Variants in SCUBE2 observed in about 807,000 individuals in gnomAD.
The protein encoded by SCUBE2 is signal peptide, CUB domain and EGF like domain containing 2.
Under a neutral mutation model 125.9 loss-of-function variants are expected in SCUBE2, and 114 were observed. That is an observed-to-expected ratio of 0.91 (90% CI 0.78 to 1.06). The LOEUF is 1.06. SCUBE2 is among the 50% of genes least tolerant of loss of function. The pLI is 0.00. For synonymous variants in SCUBE2, 459 were observed against 492.9 expected (o/e 0.93, Z 0.91); for missense variants, 1,255 against 1,301.8 (o/e 0.96, Z 0.55).
Position 9,025,689 on chromosome 11 carries a change from A to C in SCUBE2, c.2854+13T>G. On this transcript the variant is annotated intron_variant, in intron 21 of 22. Transcript: ENST00000649792. ...CAGAGACGCTCTTTCCATGTGCTGCAGGCTGTGCTTACCATCATATGTCAC... is the reference window on the plus strand; with the variant it reads ...CAGAGACGCTCTTTCCATGTGCTGCCGGCTGTGCTTACCATCATATGTCAC... 6.2e-7 allele frequency: 1 copy of C among 1,613,822 alleles called. No individual in the cohort carries two copies. Among genetic ancestry groups the C allele is most frequent in the East Asian group, 2.2e-5 (1 of 44,874 alleles).
Position 9,053,082 on chromosome 11 carries a change from AACTGGGCCC to A in SCUBE2, c.1447+8_1447+16del, listed in dbSNP as rs764402188. On this transcript the variant is annotated splice_region_variant and intron_variant, in intron 12 of 22. Coordinates refer to ENST00000649792, the MANE Select transcript of SCUBE2 (RefSeq NM_001367977.2). ...CCCCAGTGTGAGGACCTGCCCCGGG[AACTGGGCCC>A]CACTCACCTGAAGAGAGGTGAATGC... The A allele has an allele frequency of 1.3e-5, 21 of 1,605,594 alleles. No homozygotes were observed. The South Asian group carries it at 2.3e-4, about 18-fold the overall frequency.
rs774944109 is a variant in SCUBE2 at position 9,052,808 on chromosome 11, G to C, written c.1472C>G (p.Thr491Ser). ...SSGLQGAYSVTCGSSSPLRNK... is the reference protein window; with the variant it reads ...SSGLQGAYSVSCGSSSPLRNK... ...CCTGAGAGGAGAGGAAGAGCCACAG[G>C]TGACAGAGTAGGCCCCTTGCAGTCC... Residue 491 changes from threonine to serine, a missense_variant, in exon 13 of 23, where the codon ACC becomes AGC. Physicochemically the swap from Thr to Ser is moderately conservative, Grantham distance 58. Transcript: ENST00000649792. 6.5e-6 allele frequency: 10 copies of C among 1,537,070 alleles called. No homozygotes were observed. The highest frequency in any genetic ancestry group is 4.9e-5 in the East Asian group (2 of 40,934).
chr11:9,047,815 G>C (rs1173843672), intron 15 of SCUBE2, 128 bp downstream of exon 15: 2 of 1,196,856 alleles, frequency 1.7e-6, no homozygotes, highest in African/African-American at 3.1e-5. Flanking sequence ...TAGTTTCGGG[G>C]TGAAAAAAAA....
In SCUBE2 at chr11:9,074,474, G is replaced by T; in HGVS notation, c.517+7C>A. ...CTCTGCCCCCATCCACAGCTGGGCA[G>T]AGGTACCTTCCGAGCGGTGAATGCA... On this transcript the variant is annotated splice_region_variant and intron_variant, in intron 4 of 22. Transcript: ENST00000649792. The T allele has an allele frequency of 6.2e-7, 1 of 1,614,114 alleles. No homozygotes were observed. Among genetic ancestry groups the T allele is most frequent in the East Asian group, 2.2e-5 (1 of 44,884 alleles).
At chr11:9,058,052 T>C (rs1382633875) in intron 9 of SCUBE2, among the ~76,000 whole-genome samples, 1 of 152,114 alleles carries the variant, frequency 6.6e-6, no homozygotes, top group East Asian at 1.9e-4. Flanking sequence ...ATGGGAAGGA[T>C]GTGTTTGAGA....
At chr11:9,090,496 T>TTA in intron 1 of SCUBE2, 1 of 151,582 alleles carries the variant, frequency 6.6e-6, no homozygotes, top group East Asian at 1.9e-4. Context: ...TTTATTTTTT[T>TTA]TTTTTGCTCA....
At chr11:9,033,886 A>C in intron 16 of SCUBE2, 90 bp from the exon 17 acceptor site, 1 of 1,296,936 alleles carries the variant, frequency 7.7e-7, no homozygotes, top group Non-Finnish European at 1.1e-6. Context: ...AATAGATGGC[A>C]CTGACCACAC....
Position 9,053,748 on chromosome 11 carries a change from A to G in SCUBE2, c.1219T>C (p.Cys407Arg), listed in dbSNP as rs560675994. ...GFTHCGDTNECSINNGGCQQV... is the reference protein window; with the variant it reads ...GFTHCGDTNERSINNGGCQQV... ...TGACAGCCTCCGTTGTTGATGCTGCACTCATTGGTGTCTGTGGAACAAAAT... is the reference window on the plus strand; with the variant it reads ...TGACAGCCTCCGTTGTTGATGCTGCGCTCATTGGTGTCTGTGGAACAAAAT... Residue 407 changes from cysteine to arginine, a missense_variant, in exon 11 of 23, where the codon TGC (cysteine) becomes CGC (arginine). By Grantham distance (180) the Cys-to-Arg change is radical (BLOSUM62 -3). This residue lies in a region of SCUBE2 where 378 missense variants were observed against 463.1 expected (regional missense o/e 0.82). Transcript: ENST00000649792. The G allele has an allele frequency of 6.2e-7, 1 of 1,613,630 alleles. No homozygotes were observed. Among genetic ancestry groups the G allele is most frequent in the East Asian group, 2.2e-5 (1 of 44,862 alleles).
At position 9,071,238 on chromosome 11, in the gene SCUBE2, G is replaced by A. The variant is rs189690179; in HGVS notation, c.518-1743C>T. 9.1e-3 allele frequency among the ~76,000 whole-genome samples: 1,388 copies of A among 152,328 alleles called. 5 individuals are homozygous for A. Among genetic ancestry groups the A allele is most frequent in the Non-Finnish European group, 0.015 (1,041 of 68,032 alleles). ...ACTCCCAAACAGGCCAGCTGCTGCTGCTTTTTCACTCTGTTTACAAGACTG... is the reference window on the plus strand; with the variant it reads ...ACTCCCAAACAGGCCAGCTGCTGCTACTTTTTCACTCTGTTTACAAGACTG... On this transcript the variant is annotated intron_variant, in intron 4 of 22. Transcript: ENST00000649792.
chr11:9,021,027 AGTGGCAC>A lies in SCUBE2; in HGVS notation c.*11_*17del, dbSNP rs372387298. ...ACCCTATAGCAGAACATTTGTATTG[AGTGGCAC>A]GTGGGCTGAGTCATTTGTAAGGTCT... is the stretch of plus-strand genomic sequence containing the variant. On this transcript the variant is annotated 3_prime_UTR_variant, in exon 23 of 23. Coordinates refer to ENST00000649792, the MANE Select transcript of SCUBE2 (RefSeq NM_001367977.2). The A allele has an allele frequency of 4.9e-4, 784 of 1,610,084 alleles. No homozygotes were observed. The African/African-American group carries it at 9.5e-3, about 20-fold the overall frequency.
chr11:9,062,610 G>A (rs1859788981), intron 7 of SCUBE2, among the ~76,000 whole-genome samples: 1 of 152,150 alleles, frequency 6.6e-6, no homozygotes, highest in Admixed American at 6.5e-5. Flanking sequence ...ATAATCTAGA[G>A]AACAGAAGAG....
intron 4 of SCUBE2, among the ~76,000 whole-genome samples, chr11:9,069,949 C>A (rs1860619305): frequency 6.6e-6 from 1 of 152,216 alleles, no homozygotes; most frequent in South Asian, 2.1e-4. Flanking sequence ...CATTTCAACG[C>A]CCCTCTCTGC....
Position 9,048,100 on chromosome 11 carries a change from T to A in SCUBE2, c.1640-2A>T. 3.1e-6 allele frequency: 5 copies of A among 1,598,424 alleles called. No individual in the cohort carries two copies. The highest frequency in any genetic ancestry group is 3.4e-6 in the Non-Finnish European group (4 of 1,172,732). ...TCTCTTTTACTGAGCTGTGCTTCTC[T>A]GTATGAAGAAACAAAATTATCGGAA... On this transcript the variant is annotated splice_acceptor_variant, in intron 14 of 22. Transcript: ENST00000649792. LOFTEE classifies it high-confidence loss of function.
intron 16 of SCUBE2, among the ~76,000 whole-genome samples, chr11:9,045,901 C>G (rs1857684883): frequency 6.6e-6 from 1 of 152,030 alleles, no homozygotes. Context: ...CATTGGCTCC[C>G]CTAGAAACAA....
At chr11:9,058,364 G>A (rs1363549341) in intron 9 of SCUBE2, among the ~76,000 whole-genome samples, 3 of 151,952 alleles carry the variant, frequency 2.0e-5, no homozygotes, top group Non-Finnish European at 4.4e-5. Context: ...TTGGGAGGCC[G>A]AGGCAGGCAG....
chr11:9,049,559 A>G (rs10840166), intron 14 of SCUBE2, among the ~76,000 whole-genome samples: 71,183 of 151,940 alleles, frequency 0.47, 17,341 homozygotes, highest in Admixed American at 0.57. Context: ...ATCTATTTTT[A>G]AGCAATGGCC....
In SCUBE2 at chr11:9,047,396, C is replaced by T. The variant is rs1179952382; in HGVS notation, c.1962G>A (p.Glu654=). The T allele has an allele frequency of 2.5e-6, 4 of 1,614,088 alleles. No homozygotes were observed. Among genetic ancestry groups the T allele is most frequent in the Non-Finnish European group, 3.4e-6 (4 of 1,180,042 alleles). ...KPPRTSERQA[E]SCGVGQGHAE... ...CATGACCCTGGCCCACTCCACAGGA[C>T]TCTGCCTGGCGTTCAGATGTTCTGG... is the stretch of plus-strand genomic sequence containing the variant. The change falls in exon 16 of 23, where the codon GAG becomes GAA. Residue 654 remains glutamate, a synonymous_variant. Coordinates refer to ENST00000649792, the MANE Select transcript of SCUBE2 (RefSeq NM_001367977.2).
chr11:9,035,659 C>T (rs897062663), intron 16 of SCUBE2, among the ~76,000 whole-genome samples: 12 of 151,884 alleles, frequency 7.9e-5, no homozygotes, highest in African/African-American at 2.9e-4. Flanking sequence ...AACATGGGAA[C>T]GTTCTCTGTT....
intron 16 of SCUBE2, 103 bp from the exon 17 acceptor site, chr11:9,033,899 C>T (rs926698335): frequency 2.6e-6 from 3 of 1,146,902 alleles, no homozygotes; most frequent in African/African-American, 3.1e-5. Flanking sequence ...GACCACACCA[C>T]CCACGGCATG....
Sources: gnomAD v4.1 joint callset for allele counts (sites outside exome capture counted in the v4.1 genomes callset) on GRCh38, gnomAD v4.1.1 for gene constraint, gnomAD v4.1.1 regional missense constraint, MANE v1.5 for transcripts, NCBI Gene and HGNC (gene_info 2026-07-23, HGNC 2026-07-21) for gene names.